Variants in SLC24A2 observed in about 807,000 individuals in gnomAD.
SLC24A2 encodes the protein sodium/potassium/calcium exchanger 2.
In SLC24A2, 36 loss-of-function variants were observed where a neutral mutation model predicts 62.0. The ratio of observed to expected loss-of-function variants is 0.58; its 90% CI spans 0.44 to 0.77. The LOEUF (loss-of-function observed/expected upper bound fraction) is 0.77, where lower values mean the gene tolerates loss of function less well. SLC24A2 is among the 30% of genes least tolerant of loss of function. The pLI is 0.00. For synonymous variants in SLC24A2, 358 were observed against 294.0 expected, an observed-to-expected ratio of 1.22 and a Z score of -2.23; for missense variants, 846 against 817.9, an observed-to-expected ratio of 1.03 and a Z score of -0.42.
chr9:19,578,770 C>T (rs1435509502), intron 5 of SLC24A2, among the ~76,000 whole-genome samples: 1 of 152,136 alleles, frequency 6.6e-6, no homozygotes, highest in African/African-American at 2.4e-5. Flanking sequence ...CTGGGAGTGA[C>T]AGCACCTGTA....
intron 5 of SLC24A2, among the ~76,000 whole-genome samples, chr9:19,594,597 T>C (rs1836652604): frequency 6.6e-6 from 1 of 152,202 alleles, no homozygotes; most frequent in South Asian, 2.1e-4. Context: ...ACTTGTCACA[T>C]GGACAATCAC....
chr9:19,808,840 T>C, the SLC24A2 span, among the ~76,000 whole-genome samples: 1 of 152,248 alleles, frequency 6.6e-6, no homozygotes, highest in Admixed American at 6.5e-5. The surrounding 1 kb of genome is among the most constrained non-coding windows in gnomAD (Gnocchi z 4.1). Context: ...TCTAGGATCA[T>C]GAGCCATGTG....
chr9:20,048,734 C>G, the SLC24A2 span, among the ~76,000 whole-genome samples: 2,001 of 151,600 alleles, frequency 0.013, 56 homozygotes, highest in African/African-American at 0.046. Flanking sequence ...CAAGTAATTC[C>G]TTTTAGTACA....
At chr9:19,596,357 T>G (rs868125220) in intron 5 of SLC24A2, among the ~76,000 whole-genome samples, 1 of 152,186 alleles carries the variant, frequency 6.6e-6, no homozygotes, top group East Asian at 1.9e-4. Flanking sequence ...GTAAAAGTCA[T>G]GTAAAAAACC....
chr9:19,872,184 T>C, the SLC24A2 span, among the ~76,000 whole-genome samples: 1 of 152,174 alleles, frequency 6.6e-6, no homozygotes, highest in South Asian at 2.1e-4. Context: ...AGGCAGTAAC[T>C]ATGGGAAATA....
At chr9:20,113,568 T>G in the SLC24A2 span, among the ~76,000 whole-genome samples, 1 of 152,232 alleles carries the variant, frequency 6.6e-6, no homozygotes, top group Non-Finnish European at 1.5e-5. Flanking sequence ...TTTTGGTTAA[T>G]ATTTCTATAA....
chr9:19,585,766 G>A (rs1050539070), intron 5 of SLC24A2, among the ~76,000 whole-genome samples: 4 of 152,098 alleles, frequency 2.6e-5, no homozygotes, highest in South Asian at 2.1e-4. Context: ...CTCCATTTGA[G>A]AGCCATCCTG....
the SLC24A2 span, among the ~76,000 whole-genome samples, chr9:20,185,578 T>C: frequency 1.4e-5 from 2 of 146,626 alleles, no homozygotes; most frequent in Non-Finnish European, 3.0e-5. Flanking sequence ...GGCAGGAGAA[T>C]GGCGTGAACC....
the SLC24A2 span, among the ~76,000 whole-genome samples, chr9:20,047,878 G>T: frequency 6.6e-6 from 1 of 151,798 alleles, no homozygotes. Context: ...AAGCAGGTAG[G>T]TTTGTTTGTA....
chr9:19,881,245 G>C, the SLC24A2 span, among the ~76,000 whole-genome samples: 1 of 152,118 alleles, frequency 6.6e-6, no homozygotes, highest in Non-Finnish European at 1.5e-5. Flanking sequence ...TTAGATTGTA[G>C]GAGGAGGGGA....
the SLC24A2 span, among the ~76,000 whole-genome samples, chr9:20,109,319 C>G: frequency 6.6e-6 from 1 of 152,196 alleles, no homozygotes; most frequent in Non-Finnish European, 1.5e-5. Flanking sequence ...CCTGAGACTG[C>G]TACCCTCAGA....
intron 2 of SLC24A2, among the ~76,000 whole-genome samples, chr9:19,724,166 A>C (rs1321384963): frequency 6.6e-6 from 1 of 152,194 alleles, no homozygotes; most frequent in Non-Finnish European, 1.5e-5. Flanking sequence ...GAAGAATTTA[A>C]GAGCAAGTCC....
At chr9:20,230,673 T>C in the SLC24A2 span, among the ~76,000 whole-genome samples, 1 of 152,188 alleles carries the variant, frequency 6.6e-6, no homozygotes, top group Non-Finnish European at 1.5e-5. Flanking sequence ...TTTTCTCTCA[T>C]TCTGTAGGTT....
intron 2 of SLC24A2, among the ~76,000 whole-genome samples, chr9:19,661,493 TC>T (rs1252951330): frequency 6.7e-6 from 1 of 149,206 alleles, no homozygotes; most frequent in African/African-American, 2.4e-5. Flanking sequence ...GGGATATCCT[TC>T]TTCTAAGTAT....
chr9:20,110,763 T>C, the SLC24A2 span, among the ~76,000 whole-genome samples: 1 of 152,210 alleles, frequency 6.6e-6, no homozygotes, highest in Non-Finnish European at 1.5e-5. Context: ...CATCCAATCA[T>C]TTGAAAAATT....
the SLC24A2 span, among the ~76,000 whole-genome samples, chr9:20,304,089 C>T: frequency 6.6e-6 from 1 of 152,188 alleles, no homozygotes; most frequent in Non-Finnish European, 1.5e-5. Context: ...TGCTGAGTGA[C>T]TCTGAAATAT....
chr9:19,629,681 G>A (rs969550606), intron 2 of SLC24A2, among the ~76,000 whole-genome samples: 1 of 152,160 alleles, frequency 6.6e-6, no homozygotes, highest in South Asian at 2.1e-4. Flanking sequence ...GGGCCCCCCT[G>A]GTGGTCCCAG....
the SLC24A2 span, among the ~76,000 whole-genome samples, chr9:20,014,308 A>G: frequency 6.6e-6 from 1 of 152,048 alleles, no homozygotes; most frequent in African/African-American, 2.4e-5. Flanking sequence ...CCATTGTGAA[A>G]AGCAGTGTAG....
At chr9:19,920,814 A>T in the SLC24A2 span, among the ~76,000 whole-genome samples, 1 of 152,294 alleles carries the variant, frequency 6.6e-6, no homozygotes, top group South Asian at 2.1e-4. Context: ...ACGTGTATCG[A>T]TCGGGAGCCG....
Sources: allele counts gnomAD v4.1 joint callset (sites outside exome capture counted in the v4.1 genomes callset), GRCh38; gene constraint gnomAD v4.1.1; non-coding constraint Gnocchi (gnomAD v3.1); transcripts MANE v1.5; gene names NCBI Gene and HGNC (gene_info 2026-07-23, HGNC 2026-07-21).